Variants in RIPOR2 observed in about 807,000 individuals in gnomAD.
The protein encoded by RIPOR2 is RHO family interacting cell polarization regulator 2, also known as rho family-interacting cell polarization regulator 2.
In RIPOR2, 39 loss-of-function variants were observed where a neutral mutation model predicts 114.5. The ratio of observed to expected loss-of-function variants is 0.34; its 90% CI spans 0.26 to 0.44. The LOEUF (loss-of-function observed/expected upper bound fraction) is 0.44, where lower values mean the gene tolerates loss of function less well. Among genes scored for constraint, RIPOR2 ranks in the 20% least tolerant of loss-of-function variants. RIPOR2 has a pLI of 1.00. For synonymous variants in RIPOR2, 445 were observed against 484.4 expected, an observed-to-expected ratio of 0.92 and a Z score of 1.07; for missense variants, 1,007 against 1,255.1, an observed-to-expected ratio of 0.80 and a Z score of 2.99.
At chr6:25,011,679 C>T (rs1056200895) in intron 1 of RIPOR2, among the ~76,000 whole-genome samples, 1 of 152,154 alleles carries the variant, frequency 6.6e-6, no homozygotes, top group Non-Finnish European at 1.5e-5. Flanking sequence ...AAGTTCTTAA[C>T]TACTAAAAAT....
intron 13 of RIPOR2, chr6:24,839,635 A>G (rs1407043579): frequency 1.3e-6 from 2 of 1,540,144 alleles, no homozygotes; most frequent in South Asian, 1.2e-5. Flanking sequence ...GTTGAAAAAA[A>G]ACAAAAAAAA....
At chr6:25,025,435 C>T (rs1226974435) in intron 1 of RIPOR2, among the ~76,000 whole-genome samples, 3 of 151,760 alleles carry the variant, frequency 2.0e-5, no homozygotes, top group Non-Finnish European at 4.4e-5. Context: ...GGGTGCGTGA[C>T]GAGGCTTTTT....
chr6:25,039,451 T>C (rs1777380167), intron 1 of RIPOR2, among the ~76,000 whole-genome samples: 1 of 152,236 alleles, frequency 6.6e-6, no homozygotes, highest in Non-Finnish European at 1.5e-5. Context: ...AATTCCCTCC[T>C]TAGGCATTAT....
chr6:24,835,169 C>A (rs532328839), intron 15 of RIPOR2, among the ~76,000 whole-genome samples: 1 of 152,198 alleles, frequency 6.6e-6, no homozygotes, highest in African/African-American at 2.4e-5. Flanking sequence ...GGAAAATTAG[C>A]TCTGTGGTGT....
chr6:24,933,260 C>A (rs1371509485), intron 1 of RIPOR2, among the ~76,000 whole-genome samples: 1 of 152,080 alleles, frequency 6.6e-6, no homozygotes, highest in Non-Finnish European at 1.5e-5. Flanking sequence ...AAGTACTGAC[C>A]ACTATTCTAA....
At position 25,032,557 on chromosome 6, in the gene RIPOR2, T is replaced by C. The variant is rs374754121; in HGVS notation, c.76+9294A>G. On this transcript the variant is annotated intron_variant, in intron 1 of 13. Transcript: ENST00000510784. ...TCCCCTTCAAAGAGTATGTGAGGCA[T>C]AGTTTTTTGATAATAGATATGCATA... 2.0e-4 allele frequency among the ~76,000 whole-genome samples: 30 copies of C among 152,234 alleles called. No homozygotes were observed. In the South Asian group the frequency reaches 5.2e-3, roughly 26 times the overall value.
chr6:24,877,305 T>A, intron 1 of RIPOR2: 2 of 984,844 alleles, frequency 2.0e-6, no homozygotes, highest in Non-Finnish European at 2.4e-6. Context: ...TTAAATCCCC[T>A]CCCTCCCTCT....
intron 1 of RIPOR2, among the ~76,000 whole-genome samples, chr6:24,933,750 G>A (rs1313844482): frequency 6.6e-6 from 1 of 152,112 alleles, no homozygotes; most frequent in East Asian, 1.9e-4. Flanking sequence ...TGGGTACCAC[G>A]AAGCAGAACC....
At chr6:24,932,152 TAA>T (rs931563060) in intron 1 of RIPOR2, among the ~76,000 whole-genome samples, 14 of 152,220 alleles carry the variant, frequency 9.2e-5, no homozygotes, top group African/African-American at 3.1e-4. Flanking sequence ...TTTAATTTGA[TAA>T]GTTTGAAAGA....
At chr6:25,024,472 C>G in intron 1 of RIPOR2, 1 of 860,096 alleles carries the variant, frequency 1.2e-6, no homozygotes, top group Non-Finnish European at 2.0e-6. Flanking sequence ...CTCATGGAGC[C>G]TTTGCTGGAC....
chr6:24,855,375 T>A (rs1270937612), intron 8 of RIPOR2, among the ~76,000 whole-genome samples: 1 of 152,176 alleles, frequency 6.6e-6, no homozygotes, highest in Non-Finnish European at 1.5e-5. Context: ...TGACTTTATT[T>A]TTTTTTTGTT....
chr6:24,904,398 C>T (rs1053078633), intron 1 of RIPOR2, among the ~76,000 whole-genome samples: 1 of 152,192 alleles, frequency 6.6e-6, no homozygotes, highest in Non-Finnish European at 1.5e-5. Flanking sequence ...ATCTTTCTAT[C>T]TTTCTTCCAT....
rs559908044 is a variant in RIPOR2, at chr6:24,844,673, C to T, written c.1165-1119G>A. Among the ~76,000 whole-genome samples, 10 of 152,012 alleles carry T rather than the reference C, an allele frequency of 6.6e-5. No homozygotes were observed. The East Asian group carries it at 1.4e-3, about 21-fold the overall frequency. Reference sequence around the variant, plus strand: ...TTTTCTTTGTAGTGAGACAGGATTTCGCCATGTTGGTCAGGGTGGTCTCAA... The same window carrying T: ...TTTTCTTTGTAGTGAGACAGGATTTTGCCATGTTGGTCAGGGTGGTCTCAA... On this transcript the variant is annotated intron_variant, in intron 12 of 21. Coordinates refer to ENST00000643898, the MANE Select transcript of RIPOR2 (RefSeq NM_001286445.3).
chr6:25,004,517 C>T (rs529585193), intron 1 of RIPOR2, among the ~76,000 whole-genome samples: 2 of 152,162 alleles, frequency 1.3e-5, no homozygotes, highest in Non-Finnish European at 2.9e-5. Flanking sequence ...AGGTTTTCTC[C>T]TGCCAAGAAG....
intron 1 of RIPOR2, among the ~76,000 whole-genome samples, chr6:24,956,997 T>C (rs662608): frequency 0.93 from 140,967 of 152,308 alleles, 65,661 homozygotes; most frequent in East Asian, 0.99. Flanking sequence ...ACTTAAACTG[T>C]TATCTTTGTT....
At position 25,017,449 on chromosome 6, in the gene RIPOR2, G is replaced by A. The variant is rs146522091; in HGVS notation, c.76+24402C>T. Among the ~76,000 whole-genome samples the A allele has an allele frequency of 2.5e-3, 377 of 152,254 alleles. 1 individual carries two copies. The highest frequency in any genetic ancestry group is 0.015 in the South Asian group (73 of 4,820). ...TTGCCTGCTTACAGGCTTTGAGTTC[G>A]CAGTTTATGCACACATTTGCTGATG... On this transcript the variant is annotated intron_variant, in intron 1 of 13. Coordinates refer to the RIPOR2 transcript ENST00000510784.
intron 1 of RIPOR2, among the ~76,000 whole-genome samples, chr6:25,022,020 A>G (rs1776346562): frequency 6.6e-6 from 1 of 152,196 alleles, no homozygotes; most frequent in Non-Finnish European, 1.5e-5. Flanking sequence ...CTTAAAAAAA[A>G]TGGTCTGTAA....
At chr6:24,807,621 T>C (rs1780856474) in intron 21 of RIPOR2, among the ~76,000 whole-genome samples, 1 of 152,148 alleles carries the variant, frequency 6.6e-6, no homozygotes, top group Non-Finnish European at 1.5e-5. Flanking sequence ...TTGAGTAAAC[T>C]TAAAACTTCA....
chr6:25,013,980 T>G (rs1436310120), intron 1 of RIPOR2, among the ~76,000 whole-genome samples: 2 of 152,112 alleles, frequency 1.3e-5, no homozygotes, highest in African/African-American at 4.8e-5. Context: ...GGCCAAAAAT[T>G]TAGGACTGGA....
Sources: gnomAD v4.1 joint callset for allele counts (sites outside exome capture counted in the v4.1 genomes callset) on GRCh38, gnomAD v4.1.1 for gene constraint, MANE v1.5 for transcripts, NCBI Gene and HGNC (gene_info 2026-07-23, HGNC 2026-07-21) for gene names.